Variants in MLLT3 observed in about 807,000 individuals in gnomAD.
MLLT3 encodes the protein protein AF-9.
A neutral mutation model predicts 53.2 loss-of-function variants in MLLT3; 4 were observed. The ratio of observed to expected loss-of-function variants is 0.08; its 90% CI spans 0.04 to 0.17. The LOEUF (loss-of-function observed/expected upper bound fraction) is 0.17. Among genes scored for constraint, MLLT3 ranks in the 10% least tolerant of loss-of-function variants. The pLI is 1.00. For synonymous variants in MLLT3, 283 were observed against 230.6 expected, an observed-to-expected ratio of 1.23 and a Z score of -2.06; for missense variants, 569 against 684.0, an observed-to-expected ratio of 0.83 and a Z score of 1.87.
intron 2 of MLLT3, among the ~76,000 whole-genome samples, chr9:20,562,935 TTTTAC>T (rs1371768228): frequency 6.6e-6 from 1 of 152,186 alleles, no homozygotes; most frequent in Non-Finnish European, 1.5e-5. Flanking sequence ...TTTGTCTTTA[TTTTAC>T]TTATACTGTA....
chr9:20,455,927 CT>C (rs780438955), intron 3 of MLLT3, among the ~76,000 whole-genome samples: 6,709 of 116,870 alleles, frequency 0.057, 167 homozygotes, highest in East Asian at 0.15. Context: ...CTGCTAAAAA[CT>C]TTTTTTTTTT....
chr9:20,620,523 C>G lies in MLLT3; in HGVS notation c.193+131G>C. 3.1e-6 allele frequency: 2 copies of G among 642,868 alleles called. No individual in the cohort carries two copies. The highest frequency in any genetic ancestry group is 4.3e-6 in the Non-Finnish European group (2 of 468,030). The allele number at this position is 642,868 out of a possible 1,614,324, so 39.8% of individuals were successfully genotyped here. ...CCGGGACCTGGCCCGCGCGGCGCCG[C>G]GCACCCGGATCCCGAGGCTACGCCG... On this transcript the variant is annotated intron_variant, in intron 2 of 10. Transcript: ENST00000380338. This position sits in a 1 kb window ranked among gnomAD's most constrained non-coding sequence, Gnocchi z 6.1.
chr9:20,565,926 A>ATATATATATATT (rs1563820343), intron 2 of MLLT3, among the ~76,000 whole-genome samples: 9 of 16,786 alleles, frequency 5.4e-4, no homozygotes, highest in Admixed American at 8.7e-4. Flanking sequence ...ATATATTTAT[A>ATATATATATATT]TATATATATA....
intron 8 of MLLT3, among the ~76,000 whole-genome samples, chr9:20,355,763 G>A (rs1046509767): frequency 3.3e-5 from 5 of 152,172 alleles, no homozygotes; most frequent in Admixed American, 1.3e-4. Context: ...ATTATGAAGT[G>A]AGTTGTTATA....
intron 2 of MLLT3, among the ~76,000 whole-genome samples, chr9:20,543,118 T>C (rs555177730): frequency 1.0e-3 from 157 of 152,360 alleles, no homozygotes; most frequent in African/African-American, 3.6e-3. Flanking sequence ...GCTGGTTTGA[T>C]CTACCCAGAC....
At chr9:20,480,652 G>C (rs370010986) in intron 2 of MLLT3, among the ~76,000 whole-genome samples, 1 of 152,278 alleles carries the variant, frequency 6.6e-6, no homozygotes, top group East Asian at 1.9e-4. Flanking sequence ...CAAGACAAAA[G>C]TATGCTTCTG....
intron 2 of MLLT3, among the ~76,000 whole-genome samples, chr9:20,471,216 T>C (rs1215378705): frequency 6.6e-6 from 1 of 152,054 alleles, no homozygotes; most frequent in Non-Finnish European, 1.5e-5. Flanking sequence ...ATATGAAAAG[T>C]ATTTTTTTCT....
intron 5 of MLLT3, among the ~76,000 whole-genome samples, chr9:20,404,089 G>A (rs963491840): frequency 3.9e-5 from 6 of 152,256 alleles, no homozygotes; most frequent in African/African-American, 1.2e-4. Flanking sequence ...CCAAAGTGCC[G>A]GGACTACAGG....
At chr9:20,395,172 G>A (rs1223600381) in intron 5 of MLLT3, among the ~76,000 whole-genome samples, 1 of 152,122 alleles carries the variant, frequency 6.6e-6, no homozygotes, top group Non-Finnish European at 1.5e-5. Context: ...GTTAAGCAGC[G>A]CATCCTGCTG....
At chr9:20,411,727 G>T (rs1352308846) in intron 5 of MLLT3, 6 of 152,022 alleles carry the variant, frequency 3.9e-5, no homozygotes, top group Non-Finnish European at 7.4e-5. Flanking sequence ...AATTGAACAA[G>T]AATTTTATTA....
Position 20,579,820 on chromosome 9 carries a change from A to G in MLLT3, c.193+40834T>C, listed in dbSNP as rs553759076. Among the ~76,000 whole-genome samples the G allele has an allele frequency of 2.0e-5, 3 of 152,284 alleles. No homozygotes were observed. In the South Asian group the frequency reaches 6.2e-4, roughly 32 times the overall value. On this transcript the variant is annotated intron_variant, in intron 2 of 10. Transcript: ENST00000380338. ...TAAAGGTGAGGCCTCCAGCCTGGTGATCCACAGAGCTCAGTATGGGATGCC... is the reference window on the plus strand; with the variant it reads ...TAAAGGTGAGGCCTCCAGCCTGGTGGTCCACAGAGCTCAGTATGGGATGCC...
intron 3 of MLLT3, among the ~76,000 whole-genome samples, chr9:20,452,461 G>A (rs1481112682): frequency 6.6e-6 from 1 of 152,170 alleles, no homozygotes; most frequent in Non-Finnish European, 1.5e-5. Flanking sequence ...TCCCAGCCAT[G>A]CAGAACTGTG....
intron 2 of MLLT3, among the ~76,000 whole-genome samples, chr9:20,599,319 AAG>A (rs1820357427): frequency 6.6e-6 from 1 of 151,950 alleles, no homozygotes; most frequent in Admixed American, 6.6e-5. Flanking sequence ...AAAAAAAAAA[AAG>A]AGAATTTTCT....
At chr9:20,405,240 T>C (rs893167639) in intron 5 of MLLT3, among the ~76,000 whole-genome samples, 6 of 152,174 alleles carry the variant, frequency 3.9e-5, no homozygotes, top group African/African-American at 1.4e-4. Flanking sequence ...CAAGACTCAA[T>C]CAGCATTTTA....
chr9:20,416,325 G>A (rs1822870507), intron 4 of MLLT3, among the ~76,000 whole-genome samples: 1 of 151,536 alleles, frequency 6.6e-6, no homozygotes, highest in South Asian at 2.1e-4. Context: ...CCTATATGAA[G>A]TATTATACAC....
At chr9:20,513,487 G>A (rs1817814094) in intron 2 of MLLT3, among the ~76,000 whole-genome samples, 2 of 152,224 alleles carry the variant, frequency 1.3e-5, no homozygotes, top group South Asian at 4.1e-4. Context: ...CAGCCAGAGA[G>A]AAATGAGCTA....
chr9:20,491,232 G>A (rs773161095), intron 2 of MLLT3, among the ~76,000 whole-genome samples: 1 of 151,890 alleles, frequency 6.6e-6, no homozygotes, highest in East Asian at 1.9e-4. Flanking sequence ...TCAATCAAAG[G>A]CTACGTTTTA....
In MLLT3 at chr9:20,523,166, G is replaced by C. The variant is rs559922738; in HGVS notation, c.194-66380C>G. Among the ~76,000 whole-genome samples the C allele has an allele frequency of 3.9e-5, 6 of 152,140 alleles. No individual in the cohort carries two copies. In the East Asian group the frequency reaches 1.2e-3, roughly 29 times the overall value. On this transcript the variant is annotated intron_variant, in intron 2 of 10. Coordinates refer to ENST00000380338, the MANE Select transcript of MLLT3 (RefSeq NM_004529.4). ...TCAAGGAAATGCAAATTAAAACAAC[G>C]AGCTATTTCTACACACCTATTAGAA...
intron 6 of MLLT3, among the ~76,000 whole-genome samples, chr9:20,365,068 A>G (rs996764180): frequency 1.2e-4 from 18 of 152,182 alleles, no homozygotes; most frequent in Admixed American, 2.6e-4. Flanking sequence ...CTATTTCCCT[A>G]TGTCAAAGCC....
Sources: allele counts gnomAD v4.1 joint callset (sites outside exome capture counted in the v4.1 genomes callset), GRCh38; gene constraint gnomAD v4.1.1; non-coding constraint Gnocchi (gnomAD v3.1); transcripts MANE v1.5; gene names NCBI Gene and HGNC (gene_info 2026-07-23, HGNC 2026-07-21).